Variants in NFIB observed in about 807,000 individuals in gnomAD.
NFIB encodes nuclear factor 1 B-type.
A neutral mutation model predicts 61.5 loss-of-function variants in NFIB; 11 were observed. The ratio of observed to expected loss-of-function variants is 0.18; its 90% CI spans 0.11 to 0.30. The LOEUF (loss-of-function observed/expected upper bound fraction) is 0.30. Among genes scored for constraint, NFIB ranks in the 10% least tolerant of loss-of-function variants. The pLI is 1.00. For synonymous variants in NFIB, 260 were observed against 216.5 expected, an observed-to-expected ratio of 1.20 and a Z score of -1.76; for missense variants, 471 against 608.9, an observed-to-expected ratio of 0.77 and a Z score of 2.38.
the NFIB span, among the ~76,000 whole-genome samples, chr9:14,408,812 C>T: frequency 6.6e-6 from 1 of 152,154 alleles, no homozygotes; most frequent in African/African-American, 2.4e-5. Flanking sequence ...AGGTTTCAGG[C>T]ATTTTTTAAA....
chr9:14,483,444 G>A, the NFIB span, among the ~76,000 whole-genome samples: 1 of 152,122 alleles, frequency 6.6e-6, no homozygotes, highest in Non-Finnish European at 1.5e-5. Context: ...TATTAACTCT[G>A]GCACATTTCA....
chr9:14,142,075 A>G (rs1182888443), intron 6 of NFIB, among the ~76,000 whole-genome samples: 1 of 152,162 alleles, frequency 6.6e-6, no homozygotes, highest in Non-Finnish European at 1.5e-5. Context: ...GACCTTATAA[A>G]GAATTGTTTT....
chr9:14,281,030 G>T lies in NFIB; in HGVS notation c.562+25959C>A, dbSNP rs138869063. On this transcript the variant is annotated intron_variant, in intron 2 of 10. Transcript: ENST00000380953. Reference sequence around the variant, plus strand: ...ACAATATGTACGGTGAGCCAAAATGGGATATTATATTTTTCTAGAAAAATC... The same window carrying T: ...ACAATATGTACGGTGAGCCAAAATGTGATATTATATTTTTCTAGAAAAATC... 8.0e-3 allele frequency among the ~76,000 whole-genome samples: 1,219 copies of T among 152,146 alleles called. 13 individuals carry two copies. The highest frequency in any genetic ancestry group is 0.014 in the Middle Eastern group (4 of 294).
At chr9:14,249,837 C>T (rs992634488) in intron 2 of NFIB, among the ~76,000 whole-genome samples, 1 of 151,992 alleles carries the variant, frequency 6.6e-6, no homozygotes, top group Admixed American at 6.6e-5. Context: ...TAATTTAGGG[C>T]CTAGCAATAG....
the NFIB span, among the ~76,000 whole-genome samples, chr9:14,474,421 A>G: frequency 6.6e-6 from 1 of 152,200 alleles, no homozygotes; most frequent in Non-Finnish European, 1.5e-5. Flanking sequence ...TCCAAACACT[A>G]TCACATTGGG....
intron 1 of NFIB, among the ~76,000 whole-genome samples, chr9:14,367,641 A>G (rs955974383): frequency 1.3e-5 from 2 of 152,196 alleles, no homozygotes; most frequent in Non-Finnish European, 2.9e-5. Context: ...AATGCCCATC[A>G]ATGATAGACT....
chr9:14,164,152 C>T (rs10738354), intron 3 of NFIB, among the ~76,000 whole-genome samples: 140,607 of 152,026 alleles, frequency 0.92, 65,957 homozygotes, highest in Non-Finnish European at 1. Context: ...AAACAAATGA[C>T]TCTCTAAAAA....
intron 2 of NFIB, among the ~76,000 whole-genome samples, chr9:14,270,659 C>T (rs1041194427): frequency 1.3e-5 from 2 of 149,602 alleles, no homozygotes; most frequent in Non-Finnish European, 3.0e-5. Flanking sequence ...ACACATTTAC[C>T]TCCTACAAAT....
intron 2 of NFIB, among the ~76,000 whole-genome samples, chr9:14,240,173 T>C (rs113573456): frequency 2.0e-5 from 3 of 152,122 alleles, no homozygotes; most frequent in Admixed American, 6.6e-5. Flanking sequence ...ACATTTTAAA[T>C]TTTCTTCAGC....
chr9:14,295,791 G>A (rs1288495514), intron 2 of NFIB, among the ~76,000 whole-genome samples: 2 of 152,154 alleles, frequency 1.3e-5, no homozygotes, highest in African/African-American at 4.8e-5. Context: ...TTATTGGAGT[G>A]CAGTGAATTA....
At chr9:14,364,689 G>A (rs1420327434) in intron 1 of NFIB, among the ~76,000 whole-genome samples, 1 of 152,158 alleles carries the variant, frequency 6.6e-6, no homozygotes, top group Non-Finnish European at 1.5e-5. Flanking sequence ...CCCTGAGCCA[G>A]CCCTTTAAGG....
chr9:14,295,509 T>C (rs1001775835), intron 2 of NFIB, among the ~76,000 whole-genome samples: 1 of 151,034 alleles, frequency 6.6e-6, no homozygotes, highest in Non-Finnish European at 1.5e-5. Context: ...AGGGCGCCTG[T>C]AGTCCCAGCT....
intron 2 of NFIB, among the ~76,000 whole-genome samples, chr9:14,198,694 G>A (rs997919702): frequency 6.6e-6 from 1 of 152,116 alleles, no homozygotes; most frequent in African/African-American, 2.4e-5. Flanking sequence ...CCAAGAAAGC[G>A]CTCTCAACAA....
At chr9:14,281,816 C>T (rs892943666) in intron 2 of NFIB, among the ~76,000 whole-genome samples, 16 of 151,948 alleles carry the variant, frequency 1.1e-4, no homozygotes, top group African/African-American at 3.1e-4. Context: ...CACACGTTCA[C>T]ATGCACACAC....
chr9:14,271,398 G>T (rs2057615362), intron 2 of NFIB, among the ~76,000 whole-genome samples: 2 of 151,904 alleles, frequency 1.3e-5, no homozygotes, highest in Admixed American at 1.3e-4. Context: ...GAGTACTTTA[G>T]AAAAACTGTG....
intron 2 of NFIB, among the ~76,000 whole-genome samples, chr9:14,197,979 G>A (rs1454123623): frequency 6.6e-6 from 1 of 152,076 alleles, no homozygotes; most frequent in Admixed American, 6.6e-5. Context: ...TACATGAAAA[G>A]CCAAAAGGGA....
At chr9:14,115,149 G>A (rs2037934388) in intron 9 of NFIB, among the ~76,000 whole-genome samples, 1 of 151,674 alleles carries the variant, frequency 6.6e-6, no homozygotes, top group Non-Finnish European at 1.5e-5. Context: ...TTTCTTATAG[G>A]GTTCCTTCCT....
At chr9:14,211,447 A>G (rs1224822472) in intron 2 of NFIB, among the ~76,000 whole-genome samples, 1 of 152,248 alleles carries the variant, frequency 6.6e-6, no homozygotes, top group Non-Finnish European at 1.5e-5. Context: ...AAAGTTAAAA[A>G]AATAATTCTA....
At chr9:14,289,834 T>C (rs549285253) in intron 2 of NFIB, among the ~76,000 whole-genome samples, 1 of 152,138 alleles carries the variant, frequency 6.6e-6, no homozygotes, top group African/African-American at 2.4e-5. Context: ...CCAACCTTAT[T>C]TGTGGGACTA....
Sources: gnomAD v4.1 joint callset for allele counts (sites outside exome capture counted in the v4.1 genomes callset) on GRCh38, gnomAD v4.1.1 for gene constraint, MANE v1.5 for transcripts, NCBI Gene and HGNC (gene_info 2026-07-23, HGNC 2026-07-21) for gene names.